Variants in ZNF91 observed in about 807,000 individuals in gnomAD.
ZNF91 encodes the protein zinc finger protein 91, also known as zinc finger protein 91 (HPF7, HTF10).
A neutral mutation model predicts 12.6 loss-of-function variants in ZNF91; 7 were observed. The observed-to-expected ratio is 0.55, with a 90% CI of 0.31 to 1.04. ZNF91 has a LOEUF of 1.04. Ranked by LOEUF, ZNF91 falls within the 50% of genes least tolerant of loss-of-function variation. The pLI is 0.05. For missense variants in ZNF91, 1,217 were observed against 1,385.4 expected, an observed-to-expected ratio of 0.88 and a Z score of 1.93; for synonymous variants, 453 against 462.6, an observed-to-expected ratio of 0.98 and a Z score of 0.27.
intron 3 of ZNF91, among the ~76,000 whole-genome samples, chr19:23,352,099 A>T (rs1968380651): frequency 1.3e-5 from 2 of 152,276 alleles, no homozygotes; most frequent in African/African-American, 4.8e-5. Flanking sequence ...GCAGGGAAAA[A>T]CTAAAGCCCT....
At chr19:23,315,555 C>T (rs1033883685), upstream of ZNF91, among the ~76,000 whole-genome samples, 1 of 151,188 alleles carries the variant, frequency 6.6e-6, no homozygotes, top group African/African-American at 2.5e-5. Flanking sequence ...GGCCCATGAC[C>T]TGACCTAGGT....
intron 1 of ZNF91, chr19:23,324,562 T>C (rs1967802630): frequency 6.6e-6 from 1 of 151,076 alleles, no homozygotes; most frequent in Non-Finnish European, 1.5e-5. Flanking sequence ...TATATACGTA[T>C]GTATACATAT....
chr19:23,384,452 T>C (rs1371738054), intron 1 of ZNF91: 2 of 379,730 alleles, frequency 5.3e-6, no homozygotes, highest in Non-Finnish European at 8.8e-6. Flanking sequence ...ACGAAAAAGA[T>C]TCTTCAGAAA....
upstream of ZNF91, among the ~76,000 whole-genome samples, chr19:23,312,410 A>G (rs1374990599): frequency 6.6e-6 from 1 of 152,216 alleles, no homozygotes; most frequent in African/African-American, 2.4e-5. Context: ...TTTTGTATGA[A>G]GGTCATAGAG....
chr19:23,317,037 ATTTCT>A (rs1048203655), intron 1 of ZNF91, among the ~76,000 whole-genome samples: 6 of 150,318 alleles, frequency 4.0e-5, no homozygotes, highest in African/African-American at 9.8e-5. Context: ...ATGGTGACTC[ATTTCT>A]TTTCTTTTCT....
intron 1 of ZNF91, among the ~76,000 whole-genome samples, chr19:23,332,954 T>C (rs778230478): frequency 6.6e-6 from 1 of 152,132 alleles, no homozygotes; most frequent in Non-Finnish European, 1.5e-5. Flanking sequence ...TTTACCATGT[T>C]CTCATTGCAA....
At chr19:23,320,935 T>C (rs1435310642) in intron 1 of ZNF91, among the ~76,000 whole-genome samples, 2 of 152,146 alleles carry the variant, frequency 1.3e-5, no homozygotes, top group African/African-American at 4.8e-5. Context: ...TTTGTTGACC[T>C]TCAAACCATA....
In ZNF91 at chr19:23,358,223, T is replaced by A. The variant is rs1418642733; in HGVS notation, c.*1180A>T. 1 of 152,200 alleles carries A rather than the reference T, an allele frequency of 6.6e-6. No homozygotes were observed. The highest frequency in any genetic ancestry group is 2.4e-5 in the African/African-American group (1 of 41,452). The allele number at this position is 152,200 out of a possible 1,614,324, so 9.4% of individuals were successfully genotyped here. A position where few individuals can be genotyped will look rare whatever the true frequency, so the allele number is the denominator to read the frequency against. On this transcript the variant is annotated 3_prime_UTR_variant, in exon 4 of 4. Transcript: ENST00000300619. ...GGTTGAAAAGTTCACATGCAATTTA[T>A]AATTTAAAAATATGCTACATATATT...
intron 1 of ZNF91, among the ~76,000 whole-genome samples, chr19:23,319,990 A>G (rs1237789429): frequency 6.6e-6 from 1 of 152,192 alleles, no homozygotes; most frequent in Non-Finnish European, 1.5e-5. Context: ...AAAGCCCACA[A>G]GTGGTACAGA....
chr19:23,395,433 T>C lies in ZNF91; in HGVS notation c.-79A>G, dbSNP rs1287318043. The C allele has an allele frequency of 7.7e-6, 12 of 1,555,780 alleles. No homozygotes were observed. Among genetic ancestry groups the C allele is most frequent in the South Asian group, 1.1e-5 (1 of 87,966 alleles). ...TCCTGGAGCAGAGGACACAGAGCAG[T>C]GAAGTCGAGACCTGGAAACTCCGGC... On this transcript the variant is annotated 5_prime_UTR_variant, in exon 1 of 4. Transcript: ENST00000300619.
upstream of ZNF91, among the ~76,000 whole-genome samples, chr19:23,311,930 C>T (rs1967479001): frequency 6.6e-6 from 1 of 151,358 alleles, no homozygotes; most frequent in African/African-American, 2.4e-5. Flanking sequence ...TACTGTGACA[C>T]ATCACTGGAG....
At chr19:23,315,549 C>T (rs1967543723), upstream of ZNF91, among the ~76,000 whole-genome samples, 1 of 151,242 alleles carries the variant, frequency 6.6e-6, no homozygotes, top group Non-Finnish European at 1.5e-5. Context: ...TCTTTGGGCC[C>T]ATGACCTGAC....
At chr19:23,324,107 TTCC>T (rs779157466) in intron 1 of ZNF91, 30 of 148,238 alleles carry the variant, frequency 2.0e-4, no homozygotes, top group Middle Eastern at 3.3e-3. Context: ...CTTTCCTCCT[TTCC>T]TCTTTTTCTC....
At chr19:23,332,726 G>A (rs1241307558) in intron 1 of ZNF91, among the ~76,000 whole-genome samples, 1 of 152,162 alleles carries the variant, frequency 6.6e-6, no homozygotes, top group East Asian at 1.9e-4. Flanking sequence ...GACGACATAA[G>A]TGGGACCTTC....
At chr19:23,385,083 G>T in intron 1 of ZNF91, 1 of 940,800 alleles carries the variant, frequency 1.1e-6, no homozygotes, top group Non-Finnish European at 1.7e-6. Flanking sequence ...GACAGGGCAG[G>T]GACAGCCACT....
In ZNF91 at chr19:23,362,494, A is replaced by G. The variant is rs1474467603; in HGVS notation, c.485T>C (p.Val162Ala). ...GTTTGAATTTAAAAATTTATAGAAGACTTTCAAATATTTCCCACATTGAAA... is the reference window on the plus strand; with the variant it reads ...GTTTGAATTTAAAAATTTATAGAAGGCTTTCAAATATTTCCCACATTGAAA... ...KVFQCGKYLKVFYKFLNSNRH... is the reference protein window; with the variant it reads ...KVFQCGKYLKAFYKFLNSNRH... The change falls in exon 4 of 4, where the codon GTC becomes GCC. Residue 162 changes from valine to alanine, a missense_variant. Coordinates refer to ENST00000300619, the MANE Select transcript of ZNF91 (RefSeq NM_003430.4). 1 of 1,602,694 alleles carries G rather than the reference A, an allele frequency of 6.2e-7. No homozygotes were observed. The highest frequency in any genetic ancestry group is 8.5e-7 in the Non-Finnish European group (1 of 1,175,994).
In ZNF91 at chr19:23,362,461, G is replaced by T. The variant is rs199916013; in HGVS notation, c.518C>A (p.Thr173Lys). 6 of 1,608,072 alleles carry T rather than the reference G, an allele frequency of 3.7e-6. No homozygotes were observed. Among genetic ancestry groups the T allele is most frequent in the Non-Finnish European group, 4.2e-6 (5 of 1,178,376 alleles). Residue 173 changes from threonine to lysine, a missense_variant, in exon 4 of 4, where the codon ACG becomes AAG. By Grantham distance (78) the Thr-to-Lys change is moderately conservative. Around this residue, in one of 2 missense-constraint regions of ZNF91, gnomAD observed 726 missense variants for 895.5 expected, o/e 0.81. Coordinates refer to ENST00000300619, the MANE Select transcript of ZNF91 (RefSeq NM_003430.4). The stretch of plus-strand genomic sequence containing the variant: ...GCATTTCTTTCCAGTATGTCTTATC[G>T]TATGTCTGTTTGAATTTAAAAATTT... ...FYKFLNSNRHTIRHTGKKCFK... is the reference protein window; with the variant it reads ...FYKFLNSNRHKIRHTGKKCFK...
At chr19:23,342,861 T>G (rs1968152765) in intron 3 of ZNF91, among the ~76,000 whole-genome samples, 1 of 152,022 alleles carries the variant, frequency 6.6e-6, no homozygotes, top group African/African-American at 2.4e-5. Flanking sequence ...CTTGAGAGAA[T>G]TCTATGGCCA....
intron 1 of ZNF91, among the ~76,000 whole-genome samples, chr19:23,329,689 T>C (rs1967893190): frequency 6.6e-6 from 1 of 152,208 alleles, no homozygotes; most frequent in African/African-American, 2.4e-5. Context: ...TGACAGACTT[T>C]CTACCTACCC....
Sources: gnomAD v4.1 joint callset for allele counts (sites outside exome capture counted in the v4.1 genomes callset) on GRCh38, gnomAD v4.1.1 for gene constraint, gnomAD v4.1.1 regional missense constraint, MANE v1.5 for transcripts, NCBI Gene and HGNC (gene_info 2026-07-23, HGNC 2026-07-21) for gene names.